The following KCND2 variants were observed in gnomAD, a reference collection of about 807,000 sequenced individuals.
KCND2 encodes potassium voltage-gated channel subfamily D member 2.
Under a neutral mutation model 54.4 loss-of-function variants are expected in KCND2, and 16 were observed. The observed-to-expected ratio is 0.29, with a 90% CI of 0.20 to 0.45. KCND2 has a LOEUF of 0.45. KCND2 is among the 20% of genes least tolerant of loss of function. The probability of loss-of-function intolerance (pLI) is 1.00; values close to 1 mark genes in which losing one functional copy is unlikely to be tolerated. For missense variants in KCND2, 486 were observed against 824.2 expected (o/e 0.59, Z 5.02); for synonymous variants, 317 against 310.7 (o/e 1.02, Z -0.21).
At chr7:120,619,421 A>G (rs1793070203) in intron 1 of KCND2, among the ~76,000 whole-genome samples, 1 of 152,236 alleles carries the variant, frequency 6.6e-6, no homozygotes. Context: ...AAAAGAAGAA[A>G]AAAGAAATTA....
intron 1 of KCND2, among the ~76,000 whole-genome samples, chr7:120,701,518 A>G (rs557128003): frequency 2.6e-5 from 4 of 152,260 alleles, no homozygotes; most frequent in Admixed American, 6.5e-5. Context: ...AAAAATAACA[A>G]AGCTGGAGGC....
intron 1 of KCND2, among the ~76,000 whole-genome samples, chr7:120,721,156 A>T (rs1792660772): frequency 6.6e-6 from 1 of 152,090 alleles, no homozygotes; most frequent in Non-Finnish European, 1.5e-5. Flanking sequence ...TTTTTGGGTC[A>T]TCTTTGTTTT....
At chr7:120,590,415 C>T (rs1276141249) in intron 1 of KCND2, among the ~76,000 whole-genome samples, 4 of 152,096 alleles carry the variant, frequency 2.6e-5, no homozygotes, top group African/African-American at 9.7e-5. Flanking sequence ...TGCCCCAAAT[C>T]CCTGCTGTTA....
chr7:120,433,742 T>C (rs1476939750), intron 1 of KCND2, among the ~76,000 whole-genome samples: 1 of 152,210 alleles, frequency 6.6e-6, no homozygotes, highest in Non-Finnish European at 1.5e-5. Flanking sequence ...AAGTTGAGCA[T>C]TAAAATCATG....
chr7:120,399,701 C>CTTAT (rs140548387), intron 1 of KCND2, among the ~76,000 whole-genome samples: 21,812 of 148,320 alleles, frequency 0.15, 1,730 homozygotes, highest in African/African-American at 0.19. Flanking sequence ...TTATTTTTAC[C>CTTAT]TTATTTATTT....
intron 1 of KCND2, among the ~76,000 whole-genome samples, chr7:120,707,596 G>A (rs975415049): frequency 6.6e-6 from 1 of 152,142 alleles, no homozygotes; most frequent in Non-Finnish European, 1.5e-5. Context: ...GTATGTATAT[G>A]CACGGTGAGC....
chr7:120,682,219 C>A (rs1792148215), intron 1 of KCND2, among the ~76,000 whole-genome samples: 1 of 151,952 alleles, frequency 6.6e-6, no homozygotes, highest in Non-Finnish European at 1.5e-5. Flanking sequence ...TCTCTAAGTG[C>A]AGCTTGTTTT....
intron 2 of KCND2, among the ~76,000 whole-genome samples, chr7:120,738,031 T>C (rs1792896060): frequency 6.6e-6 from 1 of 152,022 alleles, no homozygotes; most frequent in African/African-American, 2.4e-5. Context: ...CCACCCTCTG[T>C]TCCACAACAT....
intron 1 of KCND2, among the ~76,000 whole-genome samples, chr7:120,487,369 A>G (rs1441143726): frequency 1.3e-5 from 2 of 152,188 alleles, no homozygotes; most frequent in Non-Finnish European, 1.5e-5. Flanking sequence ...GAATAACAAG[A>G]AAAATGAAGA....
chr7:120,364,254 G>A (rs76592993), intron 1 of KCND2, among the ~76,000 whole-genome samples: 106 of 152,230 alleles, frequency 7.0e-4, no homozygotes, highest in African/African-American at 2.5e-3. Flanking sequence ...TCTCTGGGGG[G>A]AACCCCACCA....
At chr7:120,716,425 C>T (rs952535603) in intron 1 of KCND2, among the ~76,000 whole-genome samples, 4 of 152,114 alleles carry the variant, frequency 2.6e-5, no homozygotes, top group East Asian at 1.9e-4. Context: ...TATTGACATG[C>T]CCACTGTAGG....
At chr7:120,603,295 T>C (rs1792837493) in intron 1 of KCND2, among the ~76,000 whole-genome samples, 1 of 152,216 alleles carries the variant, frequency 6.6e-6, no homozygotes, top group African/African-American at 2.4e-5. Context: ...AGGTTCTTTC[T>C]AGCTTCTCGA....
chr7:120,671,390 T>A (rs1791991611), intron 1 of KCND2, among the ~76,000 whole-genome samples: 1 of 152,064 alleles, frequency 6.6e-6, no homozygotes. Context: ...ATACGCCCGC[T>A]GCTCCTCCCC....
At chr7:120,564,295 A>G (rs1034907867) in intron 1 of KCND2, among the ~76,000 whole-genome samples, 4 of 152,182 alleles carry the variant, frequency 2.6e-5, no homozygotes, top group African/African-American at 9.6e-5. Flanking sequence ...GCAACGTGAT[A>G]TTCTTCTTGT....
At chr7:120,621,342 T>G (rs1248029695) in intron 1 of KCND2, among the ~76,000 whole-genome samples, 2 of 148,394 alleles carry the variant, frequency 1.3e-5, no homozygotes, top group African/African-American at 4.9e-5. Flanking sequence ...TTCTCTCTCC[T>G]ATTCTTATTC....
Position 120,273,190 on chromosome 7 carries a change from G to A in KCND2, c.-1443G>A, listed in dbSNP as rs1238391315. The stretch of plus-strand genomic sequence containing the variant: ...GACGCCTTTCCTAACCTGCGTGGCG[G>A]GGCGTGCGCGCGGTTATTTATTTAT... On this transcript the variant is annotated 5_prime_UTR_variant, in exon 1 of 6. Transcript: ENST00000331113. Among the ~76,000 whole-genome samples, 4 of 152,168 alleles carry A rather than the reference G, an allele frequency of 2.6e-5. No homozygotes were observed. Among genetic ancestry groups the A allele is most frequent in the Non-Finnish European group, 5.9e-5 (4 of 68,024 alleles).
chr7:120,523,344 A>G (rs1168373859), intron 1 of KCND2, among the ~76,000 whole-genome samples: 3 of 151,960 alleles, frequency 2.0e-5, no homozygotes, highest in African/African-American at 4.8e-5. Flanking sequence ...AGATTTCCAG[A>G]TAATTCAGAA....
At chr7:120,517,185 A>G (rs976904621) in intron 1 of KCND2, among the ~76,000 whole-genome samples, 1 of 152,104 alleles carries the variant, frequency 6.6e-6, no homozygotes, top group Non-Finnish European at 1.5e-5. Context: ...GGATTTGCAC[A>G]CAATTTTATA....
intron 1 of KCND2, among the ~76,000 whole-genome samples, chr7:120,505,777 A>G (rs1803006583): frequency 6.6e-6 from 1 of 151,752 alleles, no homozygotes; most frequent in Non-Finnish European, 1.5e-5. Flanking sequence ...AAAAAGTACT[A>G]TTAGAGAAGA....
Sources: gnomAD v4.1 joint callset for allele counts (sites outside exome capture counted in the v4.1 genomes callset) on GRCh38, gnomAD v4.1.1 for gene constraint, MANE v1.5 for transcripts, NCBI Gene and HGNC (gene_info 2026-07-23, HGNC 2026-07-21) for gene names.